CREB5: variants seen among roughly 807,000 people sequenced by gnomAD.
The protein encoded by CREB5 is cAMP responsive element binding protein 5.
CREB5 carries 19 observed loss-of-function variants against 57.1 expected under a neutral mutation model. That is an observed-to-expected ratio of 0.33 (90% CI 0.23 to 0.49). CREB5 has a LOEUF of 0.49. Ranked by LOEUF, CREB5 falls within the 20% of genes least tolerant of loss-of-function variation. The probability of loss-of-function intolerance (pLI) is 0.99; values close to 1 mark genes in which losing one functional copy is unlikely to be tolerated. For missense variants in CREB5, 579 were observed against 671.6 expected, an observed-to-expected ratio of 0.86 and a Z score of 1.52; for synonymous variants, 238 against 238.3, an observed-to-expected ratio of 1.00 and a Z score of 0.01.
intron 4 of CREB5, among the ~76,000 whole-genome samples, chr7:28,545,768 G>C (rs1794393056): frequency 6.6e-6 from 1 of 152,050 alleles, no homozygotes; most frequent in Non-Finnish European, 1.5e-5. Flanking sequence ...CCTATCTTCA[G>C]TTTCCACGCC....
intron 4 of CREB5, among the ~76,000 whole-genome samples, chr7:28,544,309 ATTGAGAGGCTGG>A: frequency 6.6e-6 from 1 of 152,266 alleles, no homozygotes; most frequent in African/African-American, 2.4e-5. Flanking sequence ...TGGATGTTGT[ATTGAGAGGCTGG>A]CTACGTGAGG....
At chr7:28,608,433 A>C (rs1362958871) in intron 5 of CREB5, among the ~76,000 whole-genome samples, 1 of 152,132 alleles carries the variant, frequency 6.6e-6, no homozygotes, top group Non-Finnish European at 1.5e-5. Flanking sequence ...TGAGTTGTTA[A>C]AGGGGAAACA....
chr7:28,802,113 ACACAGTACCCAG>A (rs1256003148), intron 7 of CREB5, among the ~76,000 whole-genome samples: 1 of 142,578 alleles, frequency 7.0e-6, no homozygotes, highest in Non-Finnish European at 1.6e-5. Flanking sequence ...AAAGGAGGAA[ACACAGTACCCAG>A]CATCTAATCT....
chr7:28,416,256 T>C (rs566462384), intron 1 of CREB5, among the ~76,000 whole-genome samples: 1 of 152,330 alleles, frequency 6.6e-6, no homozygotes, highest in African/African-American at 2.4e-5. Context: ...GTTGCAGGCA[T>C]GATTTCTCCA....
intron 1 of CREB5, among the ~76,000 whole-genome samples, chr7:28,389,982 G>C (rs1787183585): frequency 6.6e-6 from 1 of 151,516 alleles, no homozygotes; most frequent in South Asian, 2.1e-4. Flanking sequence ...CTGGTATCCT[G>C]GAGGCTCTGT....
At chr7:28,411,147 TAGAA>T (rs1787779785), upstream of CREB5, among the ~76,000 whole-genome samples, 1 of 152,202 alleles carries the variant, frequency 6.6e-6, no homozygotes, top group Non-Finnish European at 1.5e-5. Flanking sequence ...TTAGTCCTGA[TAGAA>T]AAGGCAAATC....
chr7:28,560,935 T>TGC (rs1361765462), intron 4 of CREB5, among the ~76,000 whole-genome samples: 633 of 56,082 alleles, frequency 0.011, 29 homozygotes, highest in African/African-American at 0.044. Flanking sequence ...CGTGCGTGTG[T>TGC]GCGTGCGTGT....
chr7:28,341,654 G>A (rs1785939574), intron 1 of CREB5, among the ~76,000 whole-genome samples: 1 of 152,184 alleles, frequency 6.6e-6, no homozygotes, highest in African/African-American at 2.4e-5. Context: ...TACAGTGCTG[G>A]ATGTGCAACG....
chr7:28,525,650 G>C (rs915542385), intron 4 of CREB5, among the ~76,000 whole-genome samples: 1 of 152,062 alleles, frequency 6.6e-6, no homozygotes, highest in African/African-American at 2.4e-5. Context: ...ATGCAGTAAG[G>C]TACCACTCAG....
chr7:28,598,730 A>G (rs1796790522), intron 5 of CREB5, among the ~76,000 whole-genome samples: 1 of 152,074 alleles, frequency 6.6e-6, no homozygotes, highest in African/African-American at 2.4e-5. Flanking sequence ...GCCTGGCTCA[A>G]TTTACATTCT....
chr7:28,361,254 T>G (rs567844351), intron 1 of CREB5, among the ~76,000 whole-genome samples: 1 of 152,348 alleles, frequency 6.6e-6, no homozygotes, highest in South Asian at 2.1e-4. Context: ...TCATGCTCAG[T>G]GTTCCCGTTA....
chr7:28,750,268 A>C (rs572242647), intron 7 of CREB5, among the ~76,000 whole-genome samples: 4 of 152,164 alleles, frequency 2.6e-5, no homozygotes, highest in Non-Finnish European at 5.9e-5. Flanking sequence ...TCCACGTTCC[A>C]TCCTGCCTCG....
At position 28,804,664 on chromosome 7, in the gene CREB5, A is replaced by C. The variant is rs1808602053; in HGVS notation, c.1026+142A>C. 2.8e-6 allele frequency: 3 copies of C among 1,053,234 alleles called. No homozygotes were observed. In the South Asian group the frequency reaches 4.4e-5, roughly 15 times the overall value. 65.2% of individuals were successfully genotyped at this position (1,053,234 alleles called of 1,614,324 possible). ...ATTCTAGGGGCTCTGTTTATCTCCT[A>C]GGAGGCAAGCCTTACCCATAAGACC... On this transcript the variant is annotated intron_variant, in intron 8 of 10. Transcript: ENST00000357727.
intron 1 of CREB5, among the ~76,000 whole-genome samples, chr7:28,486,288 G>A (rs1461605646): frequency 6.6e-6 from 1 of 152,120 alleles, no homozygotes; most frequent in East Asian, 1.9e-4. Flanking sequence ...GAAGAATATT[G>A]TCAAAAACAT....
chr7:28,360,763 CT>C (rs1438681513), intron 1 of CREB5, among the ~76,000 whole-genome samples: 2 of 152,098 alleles, frequency 1.3e-5, no homozygotes, highest in Admixed American at 6.6e-5. Flanking sequence ...TAGAAAGTGC[CT>C]TATAAAACGT....
intron 1 of CREB5, among the ~76,000 whole-genome samples, chr7:28,386,905 T>A (rs914545547): frequency 2.0e-5 from 3 of 152,206 alleles, no homozygotes; most frequent in African/African-American, 7.2e-5. Flanking sequence ...AAGGAGATGA[T>A]CTTGTTTCTT....
In CREB5 at chr7:28,528,957, GAGGGTAGAA is replaced by G. The variant is rs1354958603; in HGVS notation, c.291+21221_291+21229del. Reference sequence around the variant, plus strand: ...AGGCTGGACCTTGGAGAGGTCATGAGAGGGTAGAACATCAATTGACTTTGCAATGATTCC... The same window carrying G: ...AGGCTGGACCTTGGAGAGGTCATGAGCATCAATTGACTTTGCAATGATTCC... On this transcript the variant is annotated intron_variant, in intron 4 of 10. Transcript: ENST00000357727. 7.7e-4 allele frequency among the ~76,000 whole-genome samples: 118 copies of G among 152,270 alleles called. 2 individuals carry two copies. Among genetic ancestry groups the G allele is most frequent in the Admixed American group, 7.2e-4 (11 of 15,288 alleles).
rs556965166 is a variant in CREB5, at chr7:28,420,768, A to T, written c.3+7851A>T. Among the ~76,000 whole-genome samples the T allele has an allele frequency of 2.1e-5, 3 of 140,992 alleles. No homozygotes were observed. In the East Asian group the frequency reaches 6.5e-4, roughly 31 times the overall value. The allele number at this position is 140,992 out of a possible 152,430, so 92.5% of individuals were successfully genotyped here. A position where few individuals can be genotyped will look rare whatever the true frequency, so the allele number is the denominator to read the frequency against. Reference sequence around the variant, plus strand: ...GTTTGCAGTGAGCTGAGATCGCACCATTGCACTCTAGCCTGTGCTTTGCAG... The same window carrying T: ...GTTTGCAGTGAGCTGAGATCGCACCTTTGCACTCTAGCCTGTGCTTTGCAG... On this transcript the variant is annotated intron_variant, in intron 1 of 10. Coordinates refer to ENST00000357727, the MANE Select transcript of CREB5 (RefSeq NM_182898.4).
intron 1 of CREB5, among the ~76,000 whole-genome samples, chr7:28,301,852 T>C (rs758137981): frequency 6.6e-6 from 1 of 152,228 alleles, no homozygotes; most frequent in Non-Finnish European, 1.5e-5. Context: ...AACAATTGTT[T>C]AAAAAGAATT....
Sources: allele counts gnomAD v4.1 joint callset (sites outside exome capture counted in the v4.1 genomes callset), GRCh38; gene constraint gnomAD v4.1.1; transcripts MANE v1.5; gene names NCBI Gene and HGNC (gene_info 2026-07-23, HGNC 2026-07-21).